Variants in MOB3B observed in about 807,000 individuals in gnomAD.
MOB3B encodes the protein MOB kinase activator 3B.
In MOB3B, 7 loss-of-function variants were observed where a neutral mutation model predicts 18.7. The ratio of observed to expected loss-of-function variants is 0.37; its 90% CI spans 0.21 to 0.70. The LOEUF (loss-of-function observed/expected upper bound fraction) is 0.70. MOB3B is among the 30% of genes least tolerant of loss of function. The pLI is 0.52. For missense variants in MOB3B, 253 were observed against 281.3 expected (o/e 0.90, Z 0.72); for synonymous variants, 111 against 99.9 (o/e 1.11, Z -0.66).
At chr9:27,368,006 A>G (rs1821362646) in intron 2 of MOB3B, among the ~76,000 whole-genome samples, 1 of 152,132 alleles carries the variant, frequency 6.6e-6, no homozygotes, top group African/African-American at 2.4e-5. Flanking sequence ...GTCCAGTAAT[A>G]AGAGGGATGT....
intron 2 of MOB3B, chr9:27,378,280 T>G (rs1287477993): frequency 2.2e-6 from 1 of 455,114 alleles, no homozygotes; most frequent in South Asian, 1.6e-5. Flanking sequence ...AGAATGAATC[T>G]CAGCTGGGGA....
intron 3 of MOB3B, among the ~76,000 whole-genome samples, chr9:27,356,693 T>C (rs2150334): frequency 0.51 from 76,890 of 151,970 alleles, 20,116 homozygotes; most frequent in African/African-American, 0.63. Flanking sequence ...GAAGTTATTT[T>C]CCATTGACCT....
intron 2 of MOB3B, among the ~76,000 whole-genome samples, chr9:27,444,286 G>GGGAA (rs1328346530): frequency 4.0e-5 from 4 of 100,394 alleles, no homozygotes; most frequent in East Asian, 3.6e-4. Context: ...GAGGGAGGGA[G>GGGAA]GGAAGGAAGG....
At chr9:27,358,843 A>G in intron 3 of MOB3B, 191 bp downstream of exon 3, 1 of 760,828 alleles carries the variant, frequency 1.3e-6, no homozygotes, top group Non-Finnish European at 2.4e-6. Flanking sequence ...AATCTCGGAC[A>G]CTTATTTGGT....
chr9:27,483,709 T>A (rs560530021), intron 1 of MOB3B, among the ~76,000 whole-genome samples: 1 of 152,136 alleles, frequency 6.6e-6, no homozygotes, highest in Non-Finnish European at 1.5e-5. Context: ...GTGCACGTTG[T>A]TATGTTTGGT....
At chr9:27,358,632 G>A (rs1821227655) in intron 3 of MOB3B, among the ~76,000 whole-genome samples, 1 of 152,136 alleles carries the variant, frequency 6.6e-6, no homozygotes, top group African/African-American at 2.4e-5. Context: ...GCACACAGTA[G>A]GTGCTAAATA....
chr9:27,455,264 T>C lies in MOB3B; in HGVS notation c.287A>G (p.Tyr96Cys). ...TCPVMSGGPKYEYRWQDDLKY... is the reference protein window; with the variant it reads ...TCPVMSGGPKCEYRWQDDLKY... ...GAGATCATCCTGCCACCGATACTCATATTTGGGGCCCCCTGACATCACAGG... is the reference window on the plus strand; with the variant it reads ...GAGATCATCCTGCCACCGATACTCACATTTGGGGCCCCCTGACATCACAGG... Residue 96 changes from tyrosine to cysteine, a missense_variant, in exon 2 of 4, where the codon TAT (tyrosine) becomes TGT (cysteine). Physicochemically the swap from Tyr to Cys is radical, Grantham distance 194. Coordinates refer to ENST00000262244, the MANE Select transcript of MOB3B (RefSeq NM_024761.5). 6.2e-7 allele frequency: 1 copy of C among 1,614,108 alleles called. No homozygotes were observed. Among genetic ancestry groups the C allele is most frequent in the Non-Finnish European group, 8.5e-7 (1 of 1,179,976 alleles).
chr9:27,408,082 C>T (rs912370421), intron 2 of MOB3B, among the ~76,000 whole-genome samples: 2 of 152,150 alleles, frequency 1.3e-5, no homozygotes, highest in South Asian at 4.1e-4. Flanking sequence ...AGGGCCTCCT[C>T]CTAATCTCTG....
At chr9:27,472,264 T>G (rs1430362695) in intron 1 of MOB3B, among the ~76,000 whole-genome samples, 2 of 151,118 alleles carry the variant, frequency 1.3e-5, no homozygotes, top group African/African-American at 4.9e-5. Context: ...CCACTTTTCT[T>G]AAAAACAATA....
intron 3 of MOB3B, among the ~76,000 whole-genome samples, chr9:27,333,577 G>A (rs773216151): frequency 6.6e-6 from 1 of 152,132 alleles, no homozygotes; most frequent in Non-Finnish European, 1.5e-5. Context: ...ACTCCAAAAC[G>A]TGTATTAAAA....
intron 1 of MOB3B, among the ~76,000 whole-genome samples, chr9:27,482,969 C>G (rs10967959): frequency 1.6e-4 from 25 of 151,996 alleles, no homozygotes; most frequent in Admixed American, 1.2e-3. Flanking sequence ...CCTGTCTTAT[C>G]CACTGGAAAA....
intron 2 of MOB3B, among the ~76,000 whole-genome samples, chr9:27,395,278 A>G (rs1294079802): frequency 6.6e-6 from 1 of 152,216 alleles, no homozygotes; most frequent in Non-Finnish European, 1.5e-5. Flanking sequence ...TATGTACTTG[A>G]AAAGTGTTAA....
intron 1 of MOB3B, among the ~76,000 whole-genome samples, chr9:27,481,859 G>A (rs553600156): frequency 6.6e-6 from 1 of 152,198 alleles, no homozygotes; most frequent in African/African-American, 2.4e-5. Context: ...GTTGCCATGT[G>A]GGAATACAGT....
At chr9:27,442,215 A>C (rs1822605210) in intron 2 of MOB3B, among the ~76,000 whole-genome samples, 1 of 152,200 alleles carries the variant, frequency 6.6e-6, no homozygotes. Flanking sequence ...ACCCACATAC[A>C]CAAAAGATCA....
At chr9:27,525,044 G>A (rs1820413982) in intron 1 of MOB3B, 3 of 1,189,194 alleles carry the variant, frequency 2.5e-6, no homozygotes, top group Non-Finnish European at 3.5e-6. Flanking sequence ...AAGGATTGTT[G>A]TGCTGTCCTG....
At chr9:27,342,281 G>A (rs570080714) in intron 3 of MOB3B, among the ~76,000 whole-genome samples, 35 of 152,230 alleles carry the variant, frequency 2.3e-4, no homozygotes, top group African/African-American at 8.2e-4. Flanking sequence ...AAACTGACCT[G>A]GCAATAAATA....
At chr9:27,488,627 C>G (rs149682568) in intron 1 of MOB3B, among the ~76,000 whole-genome samples, 1 of 152,090 alleles carries the variant, frequency 6.6e-6, no homozygotes, top group Non-Finnish European at 1.5e-5. Flanking sequence ...AGGCTGGTCT[C>G]GAACTCCTGA....
chr9:27,377,410 C>G (rs893433878), intron 2 of MOB3B, among the ~76,000 whole-genome samples: 1 of 152,144 alleles, frequency 6.6e-6, no homozygotes, highest in Non-Finnish European at 1.5e-5. Flanking sequence ...TGAAAATACA[C>G]GGCTAGAGAG....
chr9:27,330,554 G>T lies in MOB3B; in HGVS notation c.*33C>A, dbSNP rs775753898. 3 of 1,613,652 alleles carry T rather than the reference G, an allele frequency of 1.9e-6. No homozygotes were observed. The Admixed American group carries it at 5.0e-5, about 27-fold the overall frequency. On this transcript the variant is annotated 3_prime_UTR_variant, in exon 4 of 4. Transcript: ENST00000262244. ...CCGCTCAGGGCACCAGGAGGAAACA[G>T]CTTTCCTTTCTTCCAAAGGGTGAGG...
Sources: allele counts gnomAD v4.1 joint callset (sites outside exome capture counted in the v4.1 genomes callset), GRCh38; gene constraint gnomAD v4.1.1; transcripts MANE v1.5; gene names NCBI Gene and HGNC (gene_info 2026-07-23, HGNC 2026-07-21).